The following CUX2 variants were observed in gnomAD, a reference collection of about 807,000 sequenced individuals.
CUX2 encodes the protein cut like homeobox 2, also known as homeobox protein cut-like 2.
In CUX2, 40 loss-of-function variants were observed where a neutral mutation model predicts 144.8. That is an observed-to-expected ratio of 0.28 (90% CI 0.21 to 0.36). The LOEUF is 0.36. CUX2 is among the 10% of genes least tolerant of loss of function. The pLI is 1.00. For missense variants in CUX2, 1,615 were observed against 1,994.0 expected (o/e 0.81, Z 3.62); for synonymous variants, 827 against 875.6 (o/e 0.94, Z 0.98).
chr12:111,314,784 T>C (rs934673296), intron 16 of CUX2, among the ~76,000 whole-genome samples: 2 of 150,748 alleles, frequency 1.3e-5, no homozygotes, highest in African/African-American at 2.4e-5. Context: ...GCAGAGGTTG[T>C]AGTGAGCCGA....
chr12:111,079,898 C>T (rs375307546), intron 1 of CUX2, among the ~76,000 whole-genome samples: 4 of 152,102 alleles, frequency 2.6e-5, no homozygotes, highest in East Asian at 1.9e-4. Context: ...TTAATCCAGG[C>T]GCAGCACACA....
At chr12:111,083,706 C>T (rs889907546) in intron 1 of CUX2, among the ~76,000 whole-genome samples, 2 of 152,042 alleles carry the variant, frequency 1.3e-5, no homozygotes, top group South Asian at 2.1e-4. Flanking sequence ...GGACGCCCAC[C>T]GAGCAAACTC....
At chr12:111,088,309 T>A (rs1281589146) in intron 1 of CUX2, among the ~76,000 whole-genome samples, 1 of 152,090 alleles carries the variant, frequency 6.6e-6, no homozygotes, top group Non-Finnish European at 1.5e-5. Context: ...TGTGTTCTTT[T>A]CCAAACTTCT....
chr12:111,182,775 G>A (rs749872281), intron 1 of CUX2, among the ~76,000 whole-genome samples: 6 of 152,162 alleles, frequency 3.9e-5, no homozygotes, highest in African/African-American at 9.7e-5. Flanking sequence ...GGTCATCTTC[G>A]TTCAGGTGGG....
chr12:111,287,683 G>A lies in CUX2; in HGVS notation c.302-3735G>A, dbSNP rs1414239589. Among the ~76,000 whole-genome samples, 2 of 152,250 alleles carry A rather than the reference G, an allele frequency of 1.3e-5. No homozygotes were observed. The highest frequency in any genetic ancestry group is 3.8e-4 in the East Asian group (2 of 5,206). On this transcript the variant is annotated intron_variant, in intron 4 of 21. Transcript: ENST00000261726. The surrounding 1 kb of genome is among the most constrained non-coding windows in gnomAD (Gnocchi z 4.2). ...CAGGCCCTGCCTAATGACGGGGCGT[G>A]GGGGCTGCCGGCAGATGAAAGCCAC...
At position 111,068,596 on chromosome 12, in the gene CUX2, C is replaced by T. The variant is rs1453817890; in HGVS notation, c.63+34356C>T. 6.6e-6 allele frequency among the ~76,000 whole-genome samples: 1 copy of T among 152,224 alleles called. No individual in the cohort carries two copies. Among genetic ancestry groups the T allele is most frequent in the African/African-American group, 2.4e-5 (1 of 41,454 alleles). On this transcript the variant is annotated intron_variant, in intron 1 of 21. Transcript: ENST00000261726. This position sits in a 1 kb window ranked among gnomAD's most constrained non-coding sequence, Gnocchi z 4.9. ...AGATGAAAAGCGATGCTGGTTTGAG[C>T]AGCTGGTGTTTTCTCCTGTGTTCCC...
intron 4 of CUX2, among the ~76,000 whole-genome samples, chr12:111,283,226 A>G (rs892163541): frequency 6.6e-6 from 1 of 151,844 alleles, no homozygotes; most frequent in Non-Finnish European, 1.5e-5. Flanking sequence ...CTTAAAAAAA[A>G]AAAACCTATC....
rs567064349 is a variant in CUX2, at chr12:111,216,193, T to C, written c.175-1697T>C. On this transcript the variant is annotated intron_variant, in intron 2 of 21. Transcript: ENST00000261726. ...CTCCCAGAATGCTCAGATACTTGAG[T>C]GTGGGGTTTTGAAAAGGGCCTGTTT... Among the ~76,000 whole-genome samples the C allele has an allele frequency of 4.3e-3, 649 of 152,192 alleles. 5 individuals are homozygous for C. The highest frequency in any genetic ancestry group is 7.3e-3 in the Non-Finnish European group (499 of 68,008).
At position 111,263,919 on chromosome 12, in the gene CUX2, G is replaced by T; in HGVS notation, c.301+80G>T. ...AGGACTGTGACACAGGGACTTTGAG[G>T]TGGGATGTGGGGACATGCCTGGGCT... On this transcript the variant is annotated intron_variant, in intron 4 of 21. Coordinates refer to ENST00000261726, the MANE Select transcript of CUX2 (RefSeq NM_015267.4). The surrounding 1 kb of genome is among the most constrained non-coding windows in gnomAD (Gnocchi z 4.0). 5 of 1,346,892 alleles carry T rather than the reference G, an allele frequency of 3.7e-6. No individual in the cohort carries two copies. The South Asian group carries it at 4.7e-5, about 13-fold the overall frequency. The allele number at this position is 1,346,892 out of a possible 1,614,324, so 83.4% of individuals were successfully genotyped here.
chr12:111,067,887 T>C (rs916694764), intron 1 of CUX2, among the ~76,000 whole-genome samples: 5 of 152,156 alleles, frequency 3.3e-5, no homozygotes, highest in Admixed American at 6.5e-5. Flanking sequence ...GACATGGCCA[T>C]GTTCGTGTCA....
chr12:111,173,512 C>T (rs1172699007), intron 1 of CUX2, among the ~76,000 whole-genome samples: 2 of 152,216 alleles, frequency 1.3e-5, no homozygotes, highest in African/African-American at 2.4e-5. Flanking sequence ...GGGTACCTGC[C>T]CTCCTGGAGC....
At chr12:111,175,348 T>C (rs981066708) in intron 1 of CUX2, among the ~76,000 whole-genome samples, 1 of 151,174 alleles carries the variant, frequency 6.6e-6, no homozygotes, top group East Asian at 1.9e-4. Context: ...CACCTTTTTT[T>C]TTTTTTTTTT....
At chr12:111,179,044 T>C (rs1879011937) in intron 1 of CUX2, among the ~76,000 whole-genome samples, 1 of 152,162 alleles carries the variant, frequency 6.6e-6, no homozygotes, top group Admixed American at 6.5e-5. Context: ...AGGATTAGTT[T>C]ACCTTTCAGA....
At chr12:111,095,450 C>A (rs1268887995) in intron 1 of CUX2, among the ~76,000 whole-genome samples, 4 of 151,906 alleles carry the variant, frequency 2.6e-5, no homozygotes, top group Admixed American at 6.6e-5. Flanking sequence ...GAGAGTGAGA[C>A]CCTATCTCAA....
chr12:111,213,406 G>A (rs1307897014), intron 1 of CUX2, among the ~76,000 whole-genome samples: 1 of 152,202 alleles, frequency 6.6e-6, no homozygotes, highest in Admixed American at 6.5e-5. Flanking sequence ...CATTGTCTGT[G>A]ATGTGTGTGA....
At chr12:111,105,043 C>T (rs1320408366) in intron 1 of CUX2, among the ~76,000 whole-genome samples, 2 of 152,194 alleles carry the variant, frequency 1.3e-5, no homozygotes, top group Admixed American at 6.5e-5. Context: ...ACCTGTTCTC[C>T]TCTAAGGAGC....
intron 3 of CUX2, among the ~76,000 whole-genome samples, chr12:111,238,098 C>A (rs1592868660): frequency 6.6e-6 from 1 of 152,236 alleles, no homozygotes. Flanking sequence ...GATCTTTGTT[C>A]AAGTGTCACT....
intron 1 of CUX2, among the ~76,000 whole-genome samples, chr12:111,041,211 G>A (rs1869728089): frequency 6.6e-6 from 1 of 152,214 alleles, no homozygotes. Flanking sequence ...CGCCTTCTAG[G>A]TTGTTCAGGA....
In CUX2 at chr12:111,290,605, T is replaced by C. The variant is rs1271792615; in HGVS notation, c.302-813T>C. ...ACCACACCCAGCTAATTTTTATATTTTTAGTAGCAACGGGGTTTCACCATA... is the reference window on the plus strand; with the variant it reads ...ACCACACCCAGCTAATTTTTATATTCTTAGTAGCAACGGGGTTTCACCATA... On this transcript the variant is annotated intron_variant, in intron 4 of 21. Transcript: ENST00000261726. 2.6e-5 allele frequency among the ~76,000 whole-genome samples: 4 copies of C among 151,968 alleles called. No individual in the cohort carries two copies. The East Asian group carries it at 7.8e-4, about 29-fold the overall frequency.
Sources: gnomAD v4.1 joint callset for allele counts (sites outside exome capture counted in the v4.1 genomes callset) on GRCh38, gnomAD v4.1.1 for gene constraint, Gnocchi (gnomAD v3.1) non-coding constraint, MANE v1.5 for transcripts, NCBI Gene and HGNC (gene_info 2026-07-23, HGNC 2026-07-21) for gene names.